MACROD2: variants seen among roughly 807,000 people sequenced by gnomAD.
The protein encoded by MACROD2 is ADP-ribose glycohydrolase MACROD2.
A neutral mutation model predicts 70.4 loss-of-function variants in MACROD2; 36 were observed. The ratio of observed to expected loss-of-function variants is 0.51; its 90% confidence interval spans 0.39 to 0.68. MACROD2 has a LOEUF of 0.68. Ranked by LOEUF, MACROD2 falls within the 30% of genes least tolerant of loss-of-function variation. The pLI is 0.00. For missense variants in MACROD2, 496 were observed against 538.4 expected, an observed-to-expected ratio of 0.92 and a Z score of 0.78; for synonymous variants, 172 against 178.8, an observed-to-expected ratio of 0.96 and a Z score of 0.30.
At chr20:15,837,429 G>T (rs573453638) in intron 8 of MACROD2, among the ~76,000 whole-genome samples, 1 of 152,190 alleles carries the variant, frequency 6.6e-6, no homozygotes, top group East Asian at 1.9e-4. Context: ...CTACAGACTC[G>T]TATCTACCTC....
At chr20:14,734,777 C>T (rs974955951) in intron 5 of MACROD2, among the ~76,000 whole-genome samples, 1 of 152,066 alleles carries the variant, frequency 6.6e-6, no homozygotes, top group African/African-American at 2.4e-5. Flanking sequence ...TTGGTACTGG[C>T]ATGAATATAG....
At chr20:15,593,903 A>G (rs1423781368) in intron 8 of MACROD2, among the ~76,000 whole-genome samples, 2 of 152,186 alleles carry the variant, frequency 1.3e-5, no homozygotes, top group African/African-American at 4.8e-5. Flanking sequence ...GATGCTGTGT[A>G]TGGCTGGCCC....
intron 6 of MACROD2, among the ~76,000 whole-genome samples, chr20:15,299,855 G>A (rs2077625719): frequency 1.3e-5 from 2 of 152,212 alleles, no homozygotes; most frequent in African/African-American, 4.8e-5. Context: ...TTGAATGAGG[G>A]AGAAAACTTA....
chr20:14,049,850 G>A (rs776752795), intron 2 of MACROD2, among the ~76,000 whole-genome samples: 4 of 152,036 alleles, frequency 2.6e-5, no homozygotes, highest in African/African-American at 7.2e-5. Context: ...TTGGGAGGCC[G>A]AGGCAGGCAG....
At chr20:14,595,735 G>T (rs949668194) in intron 4 of MACROD2, among the ~76,000 whole-genome samples, 1 of 152,082 alleles carries the variant, frequency 6.6e-6, no homozygotes, top group African/African-American at 2.4e-5. Context: ...ACACATTGTC[G>T]AATTGCCTCC....
intron 5 of MACROD2, among the ~76,000 whole-genome samples, chr20:15,056,729 T>G (rs754048375): frequency 6.6e-6 from 1 of 152,142 alleles, no homozygotes; most frequent in African/African-American, 2.4e-5. Flanking sequence ...GAAAAAGAAA[T>G]GGTAAAACTA....
Position 15,099,937 on chromosome 20 carries a change from GA to G in MACROD2, c.419-129993del, listed in dbSNP as rs1029937842. ...AAACTGGAGGAGGGATGGTAGGATT[GA>G]AAAAAAAAATTCAAAAGAAAAAGAA... On this transcript the variant is annotated intron_variant, in intron 5 of 17. Coordinates refer to ENST00000684519, the MANE Select transcript of MACROD2 (RefSeq NM_001351661.2). Among the ~76,000 whole-genome samples, 202 of 146,440 alleles carry G rather than the reference GA, an allele frequency of 1.4e-3. 2 individuals are homozygous for G. The highest frequency in any genetic ancestry group is 6.9e-3 in the Middle Eastern group (2 of 288).
In MACROD2 at chr20:14,841,588, C is replaced by A. The variant is rs373865779; in HGVS notation, c.418+156629C>A. On this transcript the variant is annotated intron_variant, in intron 5 of 17. Coordinates refer to ENST00000684519, the MANE Select transcript of MACROD2 (RefSeq NM_001351661.2). The stretch of plus-strand genomic sequence containing the variant: ...CATACAATGTATTTGAATGACACTA[C>A]AATGCAGCTTTTGTAGGTGATCAGA... Among the ~76,000 whole-genome samples, 53 of 151,896 alleles carry A rather than the reference C, an allele frequency of 3.5e-4. 1 individual carries two copies. Among genetic ancestry groups the A allele is most frequent in the African/African-American group, 1.2e-3 (48 of 41,486 alleles).
chr20:15,675,510 C>T (rs944348160), intron 8 of MACROD2, among the ~76,000 whole-genome samples: 10 of 152,288 alleles, frequency 6.6e-5, no homozygotes, highest in Admixed American at 1.3e-4. Context: ...CATTTGCTTA[C>T]GGTAAATTTT....
chr20:14,776,618 T>C (rs2072237386), intron 5 of MACROD2, among the ~76,000 whole-genome samples: 1 of 152,102 alleles, frequency 6.6e-6, no homozygotes. Context: ...TGCCTCCCTA[T>C]CATCTGGATA....
At chr20:15,263,516 C>A (rs1036893138) in intron 6 of MACROD2, among the ~76,000 whole-genome samples, 14 of 151,814 alleles carry the variant, frequency 9.2e-5, no homozygotes, top group African/African-American at 2.9e-4. Context: ...GATTCTGGGT[C>A]TTTTTTGGTT....
chr20:13,997,574 C>G (rs1181493361), intron 1 of MACROD2, among the ~76,000 whole-genome samples: 2 of 151,814 alleles, frequency 1.3e-5, no homozygotes, highest in African/African-American at 4.8e-5. Flanking sequence ...CTTCATTTAA[C>G]ATCTACACAG....
At chr20:14,534,800 G>C (rs944624724) in intron 4 of MACROD2, among the ~76,000 whole-genome samples, 1 of 151,974 alleles carries the variant, frequency 6.6e-6, no homozygotes, top group African/African-American at 2.4e-5. Flanking sequence ...CTTGGAGACA[G>C]AGTCTAAAAA....
intron 2 of MACROD2, among the ~76,000 whole-genome samples, chr20:14,020,182 C>T (rs12481175): frequency 0.18 from 26,710 of 152,082 alleles, 2,569 homozygotes; most frequent in South Asian, 0.23. Flanking sequence ...TTACAGAAAG[C>T]CCATTGTCAG....
At chr20:15,563,286 A>G (rs938144314) in intron 8 of MACROD2, among the ~76,000 whole-genome samples, 2 of 152,144 alleles carry the variant, frequency 1.3e-5, no homozygotes, top group Non-Finnish European at 2.9e-5. Context: ...CTTCTGTCCC[A>G]TCCTCCTTCT....
chr20:15,309,480 C>G (rs887065480), intron 6 of MACROD2, among the ~76,000 whole-genome samples: 1 of 152,220 alleles, frequency 6.6e-6, no homozygotes, highest in African/African-American at 2.4e-5. Flanking sequence ...ATTTCTTCCT[C>G]TAATTTGTGC....
At chr20:15,203,887 CAGAT>C (rs1053021699) in intron 5 of MACROD2, among the ~76,000 whole-genome samples, 27 of 152,072 alleles carry the variant, frequency 1.8e-4, no homozygotes, top group African/African-American at 5.5e-4. Context: ...TTTTTACACA[CAGAT>C]AGTAATGAAT....
intron 2 of MACROD2, among the ~76,000 whole-genome samples, chr20:14,080,686 A>T (rs35560258): frequency 0.5 from 74,539 of 150,262 alleles, 21,636 homozygotes; most frequent in Non-Finnish European, 0.65. Context: ...AGTCCTGTTC[A>T]TTTTTTTTTT....
chr20:14,542,612 A>G (rs1432104857), intron 4 of MACROD2, among the ~76,000 whole-genome samples: 1 of 152,216 alleles, frequency 6.6e-6, no homozygotes, highest in Non-Finnish European at 1.5e-5. Flanking sequence ...TATGCATGCA[A>G]AAGTATTTAA....
Sources: allele counts gnomAD v4.1 joint callset (sites outside exome capture counted in the v4.1 genomes callset), GRCh38; gene constraint gnomAD v4.1.1; transcripts MANE v1.5; gene names NCBI Gene and HGNC (gene_info 2026-07-23, HGNC 2026-07-21).